ZMYM4: variants seen among roughly 807,000 people sequenced by gnomAD.
ZMYM4 encodes the protein zinc finger MYM-type protein 4.
Under a neutral mutation model 183.2 loss-of-function variants are expected in ZMYM4, and 31 were observed. That is an observed-to-expected ratio of 0.17 (90% CI 0.13 to 0.23). The LOEUF (loss-of-function observed/expected upper bound fraction) is 0.23. ZMYM4 is among the 10% of genes least tolerant of loss of function. The probability of loss-of-function intolerance (pLI) is 1.00; values close to 1 mark genes in which losing one functional copy is unlikely to be tolerated. For missense variants in ZMYM4, 1,273 were observed against 1,840.3 expected (o/e 0.69, Z 5.64); for synonymous variants, 592 against 631.2 (o/e 0.94, Z 0.93).
chr1:35,376,943 G>T (rs1305815539), intron 7 of ZMYM4, among the ~76,000 whole-genome samples: 2 of 151,324 alleles, frequency 1.3e-5, no homozygotes, highest in Non-Finnish European at 2.9e-5. Flanking sequence ...GTCTTGCCCT[G>T]TTGCCCAGGC....
chr1:35,374,167 G>T lies in ZMYM4; in HGVS notation c.1181+3540G>T, dbSNP rs190884779. Among the ~76,000 whole-genome samples the T allele has an allele frequency of 9.6e-3, 1,451 of 151,696 alleles. 14 individuals are homozygous for T. Among genetic ancestry groups the T allele is most frequent in the Non-Finnish European group, 0.015 (1,041 of 67,914 alleles). ...TTGCCTCAGCCTCCCGAGTAGCTGG[G>T]ATTACAGGCATGCACCACTATGCCC... On this transcript the variant is annotated intron_variant, in intron 7 of 29. Transcript: ENST00000314607.
intron 25 of ZMYM4, among the ~76,000 whole-genome samples, chr1:35,406,512 C>A (rs1419376999): frequency 6.6e-6 from 1 of 152,062 alleles, no homozygotes; most frequent in African/African-American, 2.4e-5. Flanking sequence ...CAGAGTGAGA[C>A]CCTGTCTCTA....
intron 2 of ZMYM4, among the ~76,000 whole-genome samples, chr1:35,346,448 C>T (rs1050512839): frequency 2.0e-4 from 30 of 152,014 alleles, no homozygotes; most frequent in African/African-American, 6.7e-4. Flanking sequence ...GTCAGGAGTT[C>T]GAGACCAGCT....
At position 35,269,055 on chromosome 1, in the gene ZMYM4, G is replaced by C; in HGVS notation, c.9G>C (p.Glu3Asp). 2 of 1,548,442 alleles carry C rather than the reference G, an allele frequency of 1.3e-6. No homozygotes were observed. Among genetic ancestry groups the C allele is most frequent in the African/African-American group, 1.4e-5 (1 of 73,114 alleles). The change falls in exon 1 of 30, where the codon GAG (glutamate) becomes GAC (aspartate). Residue 3 changes from glutamate to aspartate, a missense_variant. Transcript: ENST00000314607. ...TCCGAGCGGGGCCCAACATGGCGGA[G>C]AGAGAGGTGGAGTCCGGCCCCCGAA... MA[E>D]REVESGPRKR...
At chr1:35,308,857 T>C in intron 1 of ZMYM4, 2 of 527,960 alleles carry the variant, frequency 3.8e-6, no homozygotes, top group Non-Finnish European at 4.9e-6. Flanking sequence ...TGAGACCCTG[T>C]CTCAGAAAAC....
intron 25 of ZMYM4, 27 bp from the exon 26 acceptor site, chr1:35,407,981 T>C (rs774891459): frequency 8.1e-6 from 13 of 1,613,696 alleles, no homozygotes; most frequent in Middle Eastern, 3.3e-4. Context: ...AAAGTTAATG[T>C]TTCAGATGTT....
chr1:35,318,935 G>A (rs1241152712), intron 1 of ZMYM4, among the ~76,000 whole-genome samples: 2 of 152,176 alleles, frequency 1.3e-5, no homozygotes, highest in Non-Finnish European at 2.9e-5. Context: ...TGCCCAGGGT[G>A]GAGTGCAGTG....
At chr1:35,416,109 G>GC (rs747113477) in intron 28 of ZMYM4, among the ~76,000 whole-genome samples, 5 of 152,084 alleles carry the variant, frequency 3.3e-5, no homozygotes, top group Non-Finnish European at 7.4e-5. Flanking sequence ...TTTGACCAGA[G>GC]CCCCTCTTTT....
intron 1 of ZMYM4, among the ~76,000 whole-genome samples, chr1:35,298,925 T>G (rs1338951676): frequency 6.6e-6 from 1 of 152,204 alleles, no homozygotes. Flanking sequence ...ATGGTGTCAT[T>G]TTCCTTCTGC....
At chr1:35,303,306 A>G (rs537521137) in intron 1 of ZMYM4, among the ~76,000 whole-genome samples, 42 of 53,078 alleles carry the variant, frequency 7.9e-4, no homozygotes, top group African/African-American at 1.3e-3. Flanking sequence ...AAAAAAAAGA[A>G]AAGAAAAAAA....
At chr1:35,367,221 T>A (rs78207145) in intron 5 of ZMYM4, among the ~76,000 whole-genome samples, 54 of 133,592 alleles carry the variant, frequency 4.0e-4, no homozygotes, top group Non-Finnish European at 6.1e-4. Flanking sequence ...AATTAATTAA[T>A]TTTTTTTTTT....
rs1040145216 is a variant in ZMYM4, at chr1:35,352,268, C to T, written c.86-6657C>T. 3.7e-3 allele frequency among the ~76,000 whole-genome samples: 171 copies of T among 45,694 alleles called. 3 individuals carry two copies. Among genetic ancestry groups the T allele is most frequent in the Admixed American group, 0.015 (35 of 2,408 alleles). 30.0% of individuals were successfully genotyped at this position (45,694 alleles called of 152,430 possible). A position where few individuals can be genotyped will look rare whatever the true frequency, so the allele number is the denominator to read the frequency against. On this transcript the variant is annotated intron_variant, in intron 2 of 29. Coordinates refer to ENST00000314607, the MANE Select transcript of ZMYM4 (RefSeq NM_005095.3). Reference sequence around the variant, plus strand: ...TTAAAAATTAGCGCGCACGCGCGCGCGCACACACACACACACACACACACA... The same window carrying T: ...TTAAAAATTAGCGCGCACGCGCGCGTGCACACACACACACACACACACACA...
At chr1:35,415,893 A>G (rs1277695205) in intron 28 of ZMYM4, among the ~76,000 whole-genome samples, 179 bp downstream of exon 28, 3 of 152,256 alleles carry the variant, frequency 2.0e-5, no homozygotes, top group Admixed American at 6.5e-5. Flanking sequence ...GAGAGGAATC[A>G]CGTGCTTCAA....
chr1:35,311,912 C>T (rs894175819), intron 1 of ZMYM4, among the ~76,000 whole-genome samples: 17 of 151,472 alleles, frequency 1.1e-4, no homozygotes, highest in Middle Eastern at 3.2e-3. Context: ...TTTTTCGAGA[C>T]GAGGTCTCAC....
intron 2 of ZMYM4, 42 bp downstream of exon 2, chr1:35,325,447 A>G (rs1642464825): frequency 1.9e-6 from 3 of 1,572,042 alleles, no homozygotes; most frequent in Non-Finnish European, 2.6e-6. Flanking sequence ...CTTTAGATAG[A>G]AAATGAATGT....
At chr1:35,383,932 C>CA (rs1644520264) in intron 9 of ZMYM4, among the ~76,000 whole-genome samples, 2 of 151,786 alleles carry the variant, frequency 1.3e-5, no homozygotes, top group African/African-American at 4.8e-5. Flanking sequence ...ACCTATGTCA[C>CA]TGGGATGTTT....
At chr1:35,374,836 A>G (rs1644300767) in intron 7 of ZMYM4, among the ~76,000 whole-genome samples, 1 of 152,094 alleles carries the variant, frequency 6.6e-6, no homozygotes, top group Admixed American at 6.5e-5. Context: ...TAGATTTATC[A>G]TGTTTCTTTG....
intron 26 of ZMYM4, among the ~76,000 whole-genome samples, chr1:35,410,456 A>ATATT (rs144213031): frequency 0.064 from 9,601 of 151,196 alleles, 898 homozygotes; most frequent in East Asian, 0.43. Context: ...TGACAAATAT[A>ATATT]TATTTATTTA....
At chr1:35,307,825 C>T (rs1452360155) in intron 1 of ZMYM4, among the ~76,000 whole-genome samples, 6 of 151,346 alleles carry the variant, frequency 4.0e-5, no homozygotes, top group Admixed American at 1.3e-4. Context: ...TGAGCCACCG[C>T]GCCTGGCTAT....
Sources: gnomAD v4.1 joint callset for allele counts (sites outside exome capture counted in the v4.1 genomes callset) on GRCh38, gnomAD v4.1.1 for gene constraint, MANE v1.5 for transcripts, NCBI Gene and HGNC (gene_info 2026-07-23, HGNC 2026-07-21) for gene names.